KCNH6: variants seen among roughly 807,000 people sequenced by gnomAD.
KCNH6 encodes the protein voltage-gated inwardly rectifying potassium channel KCNH6.
KCNH6 carries 81 observed loss-of-function variants against 83.4 expected under a neutral mutation model. The observed-to-expected ratio is 0.97, with a 90% CI of 0.81 to 1.17. KCNH6 has a LOEUF of 1.17. Ranked by LOEUF, KCNH6 falls within the 50% of genes most tolerant of loss-of-function variation. The probability of loss-of-function intolerance (pLI) is 0.00; values close to 1 mark genes in which losing one functional copy is unlikely to be tolerated. For synonymous variants in KCNH6, 503 were observed against 545.6 expected (o/e 0.92, Z 1.09); for missense variants, 1,203 against 1,290.5 (o/e 0.93, Z 1.04).
intron 4 of KCNH6, among the ~76,000 whole-genome samples, chr17:63,531,860 G>T (rs981834117): frequency 3.3e-5 from 5 of 152,200 alleles, no homozygotes; most frequent in Admixed American, 6.5e-5. Flanking sequence ...CCTCAGCTTG[G>T]CCCCTCTTGG....
intron 8 of KCNH6, among the ~76,000 whole-genome samples, chr17:63,541,392 G>A (rs1190672580): frequency 6.6e-6 from 1 of 150,398 alleles, no homozygotes; most frequent in East Asian, 2.0e-4. Context: ...GGGTTCAAGT[G>A]ATTCTTCTGC....
In KCNH6 at chr17:63,533,048, G is replaced by A. The variant is rs1214257133; in HGVS notation, c.676-838G>A. On this transcript the variant is annotated intron_variant, in intron 4 of 12. Transcript: ENST00000314672. The surrounding 1 kb of genome is among the most constrained non-coding windows in gnomAD (Gnocchi z 4.1). ...TGCCCAAGGCTCACCTATAGCACAT[G>A]TCAGACCTGGGATTCAACCGGGGAG... Among the ~76,000 whole-genome samples, 2 of 151,284 alleles carry A rather than the reference G, an allele frequency of 1.3e-5. No homozygotes were observed. Among genetic ancestry groups the A allele is most frequent in the Admixed American group, 6.6e-5 (1 of 15,118 alleles).
chr17:63,538,293 C>T lies in KCNH6; in HGVS notation c.1701+29C>T, dbSNP rs374781364. On this transcript the variant is annotated intron_variant, in intron 7 of 12. Coordinates refer to ENST00000314672, the MANE Select transcript of KCNH6 (RefSeq NM_001278919.2). This position sits in a 1 kb window ranked among gnomAD's most constrained non-coding sequence, Gnocchi z 4.0. ...AGCCCCGCCGCTCCGGCTAATGCCCCGGGCGTGGGGGGGAGCCAAGATCCT... is the reference window on the plus strand; with the variant it reads ...AGCCCCGCCGCTCCGGCTAATGCCCTGGGCGTGGGGGGGAGCCAAGATCCT... 2.9e-5 allele frequency: 45 copies of T among 1,558,318 alleles called. No individual in the cohort carries two copies. Among genetic ancestry groups the T allele is most frequent in the Non-Finnish European group, 3.8e-5 (44 of 1,155,794 alleles).
chr17:63,531,167 G>A (rs1212646323), intron 4 of KCNH6, among the ~76,000 whole-genome samples: 1 of 152,242 alleles, frequency 6.6e-6, no homozygotes, highest in Non-Finnish European at 1.5e-5. Context: ...CTCTGCTCCA[G>A]CTCACCCTGC....
chr17:63,523,695 G>A lies in KCNH6; in HGVS notation c.76+206G>A, dbSNP rs969263091. On this transcript the variant is annotated intron_variant, in intron 1 of 12. Transcript: ENST00000314672. This position sits in a 1 kb window ranked among gnomAD's most constrained non-coding sequence, Gnocchi z 4.2. ...TGCTGTCCTCTTTTCTGGAACACAA[G>A]GAGCAGCGTGCAGGCCTTCCCTCCC... 2.0e-5 allele frequency among the ~76,000 whole-genome samples: 3 copies of A among 152,106 alleles called. No homozygotes were observed. The highest frequency in any genetic ancestry group is 2.0e-4 in the Admixed American group (3 of 15,276).
chr17:63,538,160 AAGG>A lies in KCNH6; in HGVS notation c.1600_1602del (p.Glu534del). On this transcript the variant is annotated inframe_deletion, in exon 7 of 13. Coordinates refer to ENST00000314672, the MANE Select transcript of KCNH6 (RefSeq NM_001278919.2). The surrounding 1 kb of genome is among the most constrained non-coding windows in gnomAD (Gnocchi z 4.0). ...CTACCACACGCAGATGCTGCGTGTC[AAGG>A]AGTTCATCCGCTTCCACCAGATCCC... 1.2e-6 allele frequency: 2 copies of A among 1,614,120 alleles called. No individual in the cohort carries two copies. Among genetic ancestry groups the A allele is most frequent in the Non-Finnish European group, 1.7e-6 (2 of 1,179,966 alleles).
At position 63,524,301 on chromosome 17, in the gene KCNH6, C is replaced by T. The variant is rs78395865; in HGVS notation, c.239C>T (p.Ser80Phe). Residue 80 changes from serine (S) to phenylalanine (F), a missense_variant, in exon 2 of 13, where the codon TCC becomes TTC. By Grantham distance (155) the Ser-to-Phe change is radical. Coordinates refer to ENST00000314672, the MANE Select transcript of KCNH6 (RefSeq NM_001278919.2). ...CCCAACACACCAAGCAGCGCCGTGT[C>T]CCGCCTAGCGCAGGCCCTGCTGGGG... ...TGPNTPSSAV[S>F]RLAQALLGAE... 4,168 of 1,613,998 alleles carry T rather than the reference C, an allele frequency of 2.6e-3. 95 individuals are homozygous for T. In the African/African-American group the frequency reaches 0.049, roughly 19 times the overall value.
At position 63,538,055 on chromosome 17, in the gene KCNH6, C is replaced by A; in HGVS notation, c.1502-10C>A. The stretch of plus-strand genomic sequence containing the variant: ...GCCGCGGAGGAGCTCACTCTCCGCC[C>A]CGCCCCCAGCCCTGATGTACGCCAG... On this transcript the variant is annotated splice_polypyrimidine_tract_variant and intron_variant, in intron 6 of 12. Coordinates refer to ENST00000314672, the MANE Select transcript of KCNH6 (RefSeq NM_001278919.2). This position sits in a 1 kb window ranked among gnomAD's most constrained non-coding sequence, Gnocchi z 4.0. 6.2e-7 allele frequency: 1 copy of A among 1,611,654 alleles called. No individual in the cohort carries two copies.
intron 4 of KCNH6, among the ~76,000 whole-genome samples, chr17:63,530,943 G>C (rs987492719): frequency 2.0e-5 from 3 of 152,152 alleles, no homozygotes; most frequent in Admixed American, 6.5e-5. Context: ...GCTGGTGTGG[G>C]GGGGGGTCCC....
chr17:63,539,260 C>T (rs574352002), intron 8 of KCNH6, among the ~76,000 whole-genome samples: 19 of 152,300 alleles, frequency 1.2e-4, no homozygotes, highest in Middle Eastern at 3.4e-3. Flanking sequence ...CAACTTCAGC[C>T]TCGCCCTCCT....
intron 1 of KCNH6, 73 bp from the exon 2 acceptor site, chr17:63,524,066 C>A (rs2031524413): frequency 1.9e-6 from 2 of 1,045,448 alleles, no homozygotes; most frequent in East Asian, 2.4e-5. Context: ...CACCAAGAGT[C>A]CTTATGATCT....
In KCNH6 at chr17:63,535,884, C is replaced by T; in HGVS notation, c.1317C>T (p.Ser439=). ...AACACAAGATCGGCTGGCTGGACAG[C>T]CTGGGTGTGCAGCTTGGCAAGCGCT... ...YLEHKIGWLD[S]LGVQLGKRYN... Residue 439 remains serine (S), a synonymous_variant, in exon 6 of 13, where the codon AGC becomes AGT. Coordinates refer to ENST00000314672, the MANE Select transcript of KCNH6 (RefSeq NM_001278919.2). This position sits in a 1 kb window ranked among gnomAD's most constrained non-coding sequence, Gnocchi z 4.9. 1 of 1,614,110 alleles carries T rather than the reference C, an allele frequency of 6.2e-7. No individual in the cohort carries two copies. Among genetic ancestry groups the T allele is most frequent in the Middle Eastern group, 1.6e-4 (1 of 6,062 alleles).
chr17:63,527,378 G>A (rs1331237406), intron 2 of KCNH6, among the ~76,000 whole-genome samples: 4 of 152,236 alleles, frequency 2.6e-5, no homozygotes, highest in Non-Finnish European at 4.4e-5. Context: ...GTGCTGGATG[G>A]GGTGTGCATC....
intron 11 of KCNH6, 152 bp downstream of exon 11, chr17:63,544,563 A>G (rs73332048): frequency 0.024 from 14,523 of 617,156 alleles, 1,510 homozygotes; most frequent in African/African-American, 0.23. Context: ...AATTCCCCCA[A>G]TGACTTCCCC....
Position 63,530,143 on chromosome 17 carries a change from G to A in KCNH6, c.360G>A (p.Gly120=), listed in dbSNP as rs1190128422. ...VDVVPVKNED[G]AVIMFILNFE... ...TGGTGCCCGTGAAGAACGAGGACGGGGCTGTCATCATGTTCATTCTCAACT... is the reference window on the plus strand; with the variant it reads ...TGGTGCCCGTGAAGAACGAGGACGGAGCTGTCATCATGTTCATTCTCAACT... The change falls in exon 3 of 13, where the codon GGG becomes GGA. Residue 120 remains glycine, a synonymous_variant. Coordinates refer to ENST00000314672, the MANE Select transcript of KCNH6 (RefSeq NM_001278919.2). The A allele has an allele frequency of 1.9e-6, 3 of 1,614,036 alleles. No homozygotes were observed. Among genetic ancestry groups the A allele is most frequent in the Non-Finnish European group, 2.5e-6 (3 of 1,180,036 alleles).
At chr17:63,542,169 CA>C in intron 8 of KCNH6, 71 bp from the exon 9 acceptor site, 1 of 1,522,098 alleles carries the variant, frequency 6.6e-7, no homozygotes, top group Non-Finnish European at 9.0e-7. Context: ...TGGGGGAGGT[CA>C]CGGTCAAAGG....
In KCNH6 at chr17:63,530,131, G is replaced by A; in HGVS notation, c.348G>A (p.Lys116=). The A allele has an allele frequency of 6.2e-7, 1 of 1,613,946 alleles. No homozygotes were observed. Reference sequence around the variant, plus strand: ...GCCTGGTAGATGTGGTGCCCGTGAAGAACGAGGACGGGGCTGTCATCATGT... The same window carrying A: ...GCCTGGTAGATGTGGTGCCCGTGAAAAACGAGGACGGGGCTGTCATCATGT... ...FRCLVDVVPV[K]NEDGAVIMFI... is the part of the protein sequence containing the mutation. Residue 116 remains lysine (K), a synonymous_variant, in exon 3 of 13, where the codon AAG becomes AAA. Transcript: ENST00000314672.
chr17:63,547,640 G>A (rs1179399455), downstream of KCNH6, among the ~76,000 whole-genome samples: 1 of 152,048 alleles, frequency 6.6e-6, no homozygotes, highest in African/African-American at 2.4e-5. Context: ...CCTATCATAT[G>A]TTTGCAACAC....
chr17:63,530,189 C>T lies in KCNH6; in HGVS notation c.406C>T (p.Leu136=), dbSNP rs756427489. ...ILNFEDLAQL[L]AKCSSRSLSQ... ...CAACTTCGAGGACCTGGCCCAGCTC[C>T]TGGCCAAGTGCAGCAGCCGCAGCTT... Residue 136 remains leucine, a synonymous_variant, in exon 3 of 13, where the codon CTG becomes TTG. Transcript: ENST00000314672. 5.0e-6 allele frequency: 8 copies of T among 1,614,212 alleles called. No homozygotes were observed. The South Asian group carries it at 7.7e-5, about 16-fold the overall frequency.
Sources: allele counts gnomAD v4.1 joint callset (sites outside exome capture counted in the v4.1 genomes callset), GRCh38; gene constraint gnomAD v4.1.1; non-coding constraint Gnocchi (gnomAD v3.1); transcripts MANE v1.5; gene names NCBI Gene and HGNC (gene_info 2026-07-23, HGNC 2026-07-21).